The following SCAPER variants were observed in gnomAD, a reference collection of about 807,000 sequenced individuals.
SCAPER encodes the protein S-phase cyclin A associated protein in the ER.
A neutral mutation model predicts 182.2 loss-of-function variants in SCAPER; 98 were observed. That is an observed-to-expected ratio of 0.54 (90% CI 0.46 to 0.64). The LOEUF is 0.64. Ranked by LOEUF, SCAPER falls within the 30% of genes least tolerant of loss-of-function variation. SCAPER has a pLI of 0.00. For missense variants in SCAPER, 1,432 were observed against 1,690.0 expected (o/e 0.85, Z 2.68); for synonymous variants, 605 against 564.6 (o/e 1.07, Z -1.01).
At chr15:76,453,161 G>A (rs1003812298) in intron 25 of SCAPER, among the ~76,000 whole-genome samples, 1 of 152,168 alleles carries the variant, frequency 6.6e-6, no homozygotes, top group African/African-American at 2.4e-5. Context: ...TGAACCTTGT[G>A]AGGATACTCA....
intron 21 of SCAPER, among the ~76,000 whole-genome samples, chr15:76,658,982 G>A (rs931403188): frequency 6.6e-6 from 1 of 152,076 alleles, no homozygotes; most frequent in African/African-American, 2.4e-5. Context: ...AGATAGCCTA[G>A]AAAATACCAT....
At chr15:76,379,950 T>C (rs2141926082) in intron 28 of SCAPER, 1 of 152,292 alleles carries the variant, frequency 6.6e-6, no homozygotes. Flanking sequence ...GAGTCCCCTG[T>C]AGCAGTATAA....
chr15:76,550,378 T>A (rs1418134832), intron 23 of SCAPER, among the ~76,000 whole-genome samples: 1 of 152,158 alleles, frequency 6.6e-6, no homozygotes, highest in Non-Finnish European at 1.5e-5. Context: ...CACTGCATAC[T>A]GTTCCCCTTC....
intron 22 of SCAPER, among the ~76,000 whole-genome samples, chr15:76,611,159 G>C (rs2050945340): frequency 6.6e-6 from 1 of 151,952 alleles, no homozygotes; most frequent in Non-Finnish European, 1.5e-5. Flanking sequence ...ACATGCAATG[G>C]AGAAAGAATA....
At position 76,381,590 on chromosome 15, in the gene SCAPER, G is replaced by A. The variant is rs764786791; in HGVS notation, c.3493C>T (p.Arg1165Cys). The change falls in exon 28 of 32, where the codon CGC becomes TGC. Residue 1165 changes from arginine to cysteine, a missense_variant. Transcript: ENST00000563290. ...GCTGTCAGCCCTGTGGGATCCTGGC[G>A]ATTATTGTCAAATATGCTGTATGAC... ...GRSYSIFDNN[R>C]QDPTGLTAAL... 19 of 1,600,256 alleles carry A rather than the reference G, an allele frequency of 1.2e-5. No individual in the cohort carries two copies. In the African/African-American group the frequency reaches 1.2e-4, roughly 10 times the overall value.
chr15:76,634,436 C>G (rs984688543), intron 21 of SCAPER, among the ~76,000 whole-genome samples: 4 of 152,092 alleles, frequency 2.6e-5, no homozygotes, highest in African/African-American at 7.2e-5. Context: ...TTGGCTGCCC[C>G]CTTCTATATA....
At chr15:76,590,196 C>T (rs1020035161) in intron 22 of SCAPER, among the ~76,000 whole-genome samples, 3 of 152,104 alleles carry the variant, frequency 2.0e-5, no homozygotes, top group Non-Finnish European at 2.9e-5. Context: ...AATTTAGTCC[C>T]GCCTCCTATC....
intron 8 of SCAPER, among the ~76,000 whole-genome samples, chr15:76,776,964 G>A (rs989552417): frequency 2.0e-5 from 3 of 152,004 alleles, no homozygotes; most frequent in Non-Finnish European, 4.4e-5. Flanking sequence ...GTGAAACAGA[G>A]AAAACTATGA....
chr15:76,438,866 C>T (rs1453214123), intron 25 of SCAPER, among the ~76,000 whole-genome samples: 2 of 152,116 alleles, frequency 1.3e-5, no homozygotes, highest in African/African-American at 4.8e-5. Flanking sequence ...GTGTTTTTCG[C>T]TTGGAACCTT....
intron 19 of SCAPER, among the ~76,000 whole-genome samples, chr15:76,702,602 C>G (rs922897186): frequency 3.9e-5 from 6 of 152,080 alleles, no homozygotes; most frequent in African/African-American, 1.4e-4. Context: ...CATGCACCAC[C>G]ATGCCCAGCT....
intron 5 of SCAPER, among the ~76,000 whole-genome samples, chr15:76,807,059 G>C (rs779993687): frequency 6.6e-6 from 1 of 152,020 alleles, no homozygotes; most frequent in African/African-American, 2.4e-5. Context: ...ATGTTTTCTT[G>C]TCTAATTGCC....
At chr15:76,648,282 A>C (rs2054723783) in intron 21 of SCAPER, among the ~76,000 whole-genome samples, 1 of 152,058 alleles carries the variant, frequency 6.6e-6, no homozygotes, top group Non-Finnish European at 1.5e-5. Context: ...TGAAATAAAA[A>C]CGTCACTGGA....
At chr15:76,547,143 C>T (rs975622427) in intron 23 of SCAPER, among the ~76,000 whole-genome samples, 10 of 152,138 alleles carry the variant, frequency 6.6e-5, no homozygotes, top group Non-Finnish European at 1.0e-4. Flanking sequence ...GAGTGGGTTT[C>T]CATTTACACT....
chr15:76,717,917 C>G (rs148809266), intron 17 of SCAPER, among the ~76,000 whole-genome samples: 72 of 152,192 alleles, frequency 4.7e-4, no homozygotes, highest in African/African-American at 1.6e-3. Context: ...CTTAATTGTA[C>G]TTTGACCAAA....
intron 27 of SCAPER, among the ~76,000 whole-genome samples, chr15:76,391,664 G>A (rs1279399725): frequency 1.3e-5 from 2 of 152,160 alleles, no homozygotes; most frequent in African/African-American, 2.4e-5. Flanking sequence ...GCCAATGATC[G>A]TTCACTAGTA....
intron 18 of SCAPER, among the ~76,000 whole-genome samples, chr15:76,703,731 G>A (rs1024130473): frequency 6.6e-6 from 1 of 152,092 alleles, no homozygotes; most frequent in African/African-American, 2.4e-5. Context: ...AGCATTTCAT[G>A]TATGCCTCTC....
rs376650561 is a variant in SCAPER at position 76,640,402 on chromosome 15, AAGGAAGTGAAGAT to A, written c.2646-18586_2646-18574del. Among the ~76,000 whole-genome samples, 1,205 of 152,360 alleles carry A rather than the reference AAGGAAGTGAAGAT, an allele frequency of 7.9e-3. 10 individuals carry two copies. Among genetic ancestry groups the A allele is most frequent in the African/African-American group, 0.028 (1,144 of 41,582 alleles). ...TGGGAATCAGTAAAACGCTATTTAC[AAGGAAGTGAAGAT>A]AATTTAAGTTTAGACATAAGCAAGC... On this transcript the variant is annotated intron_variant, in intron 21 of 31. Transcript: ENST00000563290.
chr15:76,687,263 T>A (rs2058083012), intron 20 of SCAPER, among the ~76,000 whole-genome samples: 1 of 152,098 alleles, frequency 6.6e-6, no homozygotes, highest in African/African-American at 2.4e-5. Context: ...ATCTAATATA[T>A]GTTATATATA....
At chr15:76,820,679 T>C (rs2067468433) in intron 5 of SCAPER, among the ~76,000 whole-genome samples, 3 of 151,740 alleles carry the variant, frequency 2.0e-5, no homozygotes. Context: ...ACATGGCACA[T>C]GTATACATAT....
Sources: gnomAD v4.1 joint callset for allele counts (sites outside exome capture counted in the v4.1 genomes callset) on GRCh38, gnomAD v4.1.1 for gene constraint, MANE v1.5 for transcripts, NCBI Gene and HGNC (gene_info 2026-07-23, HGNC 2026-07-21) for gene names.